The following CUEDC1 variants were observed in gnomAD, a reference collection of about 807,000 sequenced individuals.
CUEDC1 encodes CUE domain-containing protein 1.
In CUEDC1, 30 loss-of-function variants were observed where a neutral mutation model predicts 43.7. The observed-to-expected ratio is 0.69, with a 90% CI of 0.51 to 0.93. CUEDC1 has a LOEUF of 0.93. Among genes scored for constraint, CUEDC1 ranks in the 40% least tolerant of loss-of-function variants. The pLI is 0.00. For missense variants in CUEDC1, 486 were observed against 549.0 expected (o/e 0.89, Z 1.15); for synonymous variants, 223 against 223.6 (o/e 1.00, Z 0.02).
intron 3 of CUEDC1, among the ~76,000 whole-genome samples, chr17:57,874,011 T>C (rs558758368): frequency 4.6e-5 from 7 of 152,302 alleles, no homozygotes; most frequent in African/African-American, 9.6e-5. Flanking sequence ...GATTTAGCCA[T>C]AGATGTTTAC....
intron 1 of CUEDC1, among the ~76,000 whole-genome samples, chr17:57,915,595 A>G (rs2074631339): frequency 6.6e-6 from 1 of 152,198 alleles, no homozygotes; most frequent in South Asian, 2.1e-4. Flanking sequence ...ACCAGCAGGG[A>G]CTGAGCAACA....
At chr17:57,945,151 G>A (rs1188361632) in intron 1 of CUEDC1, among the ~76,000 whole-genome samples, 1 of 152,176 alleles carries the variant, frequency 6.6e-6, no homozygotes, top group African/African-American at 2.4e-5. Flanking sequence ...CATCTGCACT[G>A]TCTTCACCCT....
intron 1 of CUEDC1, among the ~76,000 whole-genome samples, chr17:57,918,947 G>C (rs183891570): frequency 6.6e-6 from 1 of 152,132 alleles, no homozygotes; most frequent in African/African-American, 2.4e-5. Context: ...TCCACCTCCC[G>C]GGATGAAGCG....
chr17:57,918,680 T>G (rs2074668845), intron 1 of CUEDC1, among the ~76,000 whole-genome samples: 1 of 152,192 alleles, frequency 6.6e-6, no homozygotes, highest in Non-Finnish European at 1.5e-5. Context: ...AACCACAAGA[T>G]CCAGCCTGGC....
At chr17:57,867,318 A>G in intron 9 of CUEDC1, 39 bp downstream of exon 9, 1 of 1,539,602 alleles carries the variant, frequency 6.5e-7, no homozygotes, top group South Asian at 1.2e-5. Flanking sequence ...ATCACCGATC[A>G]TAGAGAAGTT....
chr17:57,870,437 G>C (rs572600741), intron 6 of CUEDC1, among the ~76,000 whole-genome samples: 26 of 152,242 alleles, frequency 1.7e-4, no homozygotes, highest in Non-Finnish European at 2.9e-4. Context: ...CCTAGGGCAA[G>C]GCCCAACAGA....
chr17:57,900,003 C>A (rs2145002030), intron 1 of CUEDC1, among the ~76,000 whole-genome samples: 1 of 152,276 alleles, frequency 6.6e-6, no homozygotes, highest in East Asian at 1.9e-4. Flanking sequence ...GCTGACCTGA[C>A]TTGCAGCAAA....
chr17:57,898,096 CT>C (rs2074432424), intron 1 of CUEDC1, among the ~76,000 whole-genome samples: 2 of 152,172 alleles, frequency 1.3e-5, no homozygotes, highest in African/African-American at 4.8e-5. Flanking sequence ...CTTTTCAATC[CT>C]AAGAATCCCA....
intron 1 of CUEDC1, among the ~76,000 whole-genome samples, chr17:57,947,666 T>C (rs1051519013): frequency 6.6e-6 from 1 of 151,922 alleles, no homozygotes; most frequent in African/African-American, 2.4e-5. Flanking sequence ...CTGTTTGTGA[T>C]GGCGTATGTC....
chr17:57,888,756 T>A (rs1447649721), intron 1 of CUEDC1, among the ~76,000 whole-genome samples: 5 of 152,268 alleles, frequency 3.3e-5, no homozygotes, highest in African/African-American at 1.2e-4. Flanking sequence ...CTTGGGCTAC[T>A]GTCTGCTGTC....
chr17:57,893,087 G>A (rs947102856), intron 1 of CUEDC1, among the ~76,000 whole-genome samples: 1 of 152,248 alleles, frequency 6.6e-6, no homozygotes, highest in South Asian at 2.1e-4. Context: ...TGGGAATCCA[G>A]GCTGCAAAAG....
chr17:57,936,972 C>T (rs747974849), intron 1 of CUEDC1, among the ~76,000 whole-genome samples: 1 of 152,042 alleles, frequency 6.6e-6, no homozygotes, highest in Non-Finnish European at 1.5e-5. Flanking sequence ...AGGCATACAC[C>T]ACCACGTCAA....
intron 1 of CUEDC1, among the ~76,000 whole-genome samples, chr17:57,911,616 C>T (rs1370957470): frequency 6.6e-6 from 1 of 152,184 alleles, no homozygotes. Context: ...AATTCTTCTG[C>T]CTCAACCTCC....
intron 1 of CUEDC1, among the ~76,000 whole-genome samples, chr17:57,906,187 G>A (rs2074528469): frequency 6.6e-6 from 1 of 152,212 alleles, no homozygotes; most frequent in Admixed American, 6.5e-5. Context: ...ATAGTCCACA[G>A]CTGGAAACAA....
Position 57,886,881 on chromosome 17 carries a change from C to T in CUEDC1, c.-315-1002G>A, listed in dbSNP as rs113623223. 7.0e-3 allele frequency among the ~76,000 whole-genome samples: 1,031 copies of T among 148,034 alleles called. 9 individuals carry two copies. Among genetic ancestry groups the T allele is most frequent in the African/African-American group, 0.025 (986 of 39,834 alleles). On this transcript the variant is annotated intron_variant, in intron 1 of 10. Coordinates refer to ENST00000577830, the MANE Select transcript of CUEDC1 (RefSeq NM_001271875.2). ...TCACCCAGGCTGGAGTGCAGCGGCA[C>T]GATCTCGGTTCACTGCAAACTCCGC...
chr17:57,953,171 A>T (rs1273113726), intron 1 of CUEDC1, among the ~76,000 whole-genome samples: 1 of 152,200 alleles, frequency 6.6e-6, no homozygotes, highest in Non-Finnish European at 1.5e-5. Context: ...AACAAGCTGG[A>T]GCTCTTAAAG....
At chr17:57,887,655 C>T (rs374779588) in intron 1 of CUEDC1, among the ~76,000 whole-genome samples, 70 of 58,022 alleles carry the variant, frequency 1.2e-3, no homozygotes, top group African/African-American at 2.0e-3. Flanking sequence ...CCACGCCTGG[C>T]TTTTTTTTTT....
intron 1 of CUEDC1, among the ~76,000 whole-genome samples, chr17:57,943,314 A>G (rs1303819323): frequency 6.6e-6 from 1 of 152,206 alleles, no homozygotes; most frequent in Non-Finnish European, 1.5e-5. Context: ...GTCAAATGCC[A>G]TCTCACTCAT....
chr17:57,887,261 T>C (rs1464047058), intron 1 of CUEDC1, among the ~76,000 whole-genome samples: 1 of 152,118 alleles, frequency 6.6e-6, no homozygotes, highest in Non-Finnish European at 1.5e-5. Context: ...GACCTTAATC[T>C]GCCACAGAAA....
Sources: allele counts gnomAD v4.1 joint callset (sites outside exome capture counted in the v4.1 genomes callset), GRCh38; gene constraint gnomAD v4.1.1; transcripts MANE v1.5; gene names NCBI Gene and HGNC (gene_info 2026-07-23, HGNC 2026-07-21).